Variants in PFKM observed in about 807,000 individuals in gnomAD.
PFKM encodes the protein phosphofructokinase, muscle, also known as ATP-dependent 6-phosphofructokinase, muscle type.
In PFKM, 58 loss-of-function variants were observed where a neutral mutation model predicts 95.5. That is an observed-to-expected ratio of 0.61 (90% CI 0.49 to 0.76). The LOEUF is 0.76. PFKM is among the 30% of genes least tolerant of loss of function. PFKM has a pLI of 0.00. For synonymous variants in PFKM, 336 were observed against 357.2 expected, an observed-to-expected ratio of 0.94 and a Z score of 0.67; for missense variants, 678 against 1,005.4, an observed-to-expected ratio of 0.67 and a Z score of 4.40.
chr12:48,116,670 G>C (rs1248079124), upstream of PFKM, among the ~76,000 whole-genome samples: 1 of 152,052 alleles, frequency 6.6e-6, no homozygotes, highest in Admixed American at 6.5e-5. Flanking sequence ...GTAGAGACGG[G>C]GTTTCACCAT....
chr12:48,120,261 A>G (rs1218049878), intron 1 of PFKM, among the ~76,000 whole-genome samples: 1 of 152,220 alleles, frequency 6.6e-6, no homozygotes, highest in Admixed American at 6.5e-5. Context: ...TCTCAAGTCC[A>G]AGTTAAAAGT....
intron 14 of PFKM, 38 bp from the exon 15 acceptor site, chr12:48,141,273 T>G (rs1214195629): frequency 6.3e-7 from 1 of 1,593,506 alleles, no homozygotes; most frequent in East Asian, 2.2e-5. Context: ...CTCCTAGTGC[T>G]TTAGCCTTGT....
intron 2 of PFKM, among the ~76,000 whole-genome samples, chr12:48,123,709 C>G (rs1948535537): frequency 6.6e-6 from 1 of 152,250 alleles, no homozygotes; most frequent in South Asian, 2.1e-4. Flanking sequence ...AGACTTTGCG[C>G]TAAGGACCCA....
At chr12:48,117,181 T>C (rs1000305851), upstream of PFKM, among the ~76,000 whole-genome samples, 2 of 152,240 alleles carry the variant, frequency 1.3e-5, no homozygotes, top group Admixed American at 6.5e-5. Flanking sequence ...TAATTTTTTA[T>C]TGATGGAAAA....
At position 48,120,942 on chromosome 12, in the gene PFKM, G is replaced by A. The variant is rs117921326; in HGVS notation, c.-9+1536G>A. 2.1e-3 allele frequency among the ~76,000 whole-genome samples: 314 copies of A among 152,306 alleles called. 7 individuals are homozygous for A. The highest frequency in any genetic ancestry group is 0.02 in the East Asian group (104 of 5,184). Reference sequence around the variant, plus strand: ...AAGGTGGGCGGATCACCTGAAGTCAGGAGTTCAAGACCAGCTTGACCGACA... The same window carrying A: ...AAGGTGGGCGGATCACCTGAAGTCAAGAGTTCAAGACCAGCTTGACCGACA... On this transcript the variant is annotated intron_variant, in intron 1 of 22. Coordinates refer to ENST00000359794, the MANE Select transcript of PFKM (RefSeq NM_000289.6).
At chr12:48,123,684 T>G (rs1400288027) in intron 2 of PFKM, among the ~76,000 whole-genome samples, 1 of 152,214 alleles carries the variant, frequency 6.6e-6, no homozygotes, top group Non-Finnish European at 1.5e-5. Context: ...TGCACCACTG[T>G]TCCTAGGCTT....
chr12:48,131,279 A>T (rs780337252), intron 3 of PFKM, 37 bp from the exon 4 acceptor site: 1 of 1,399,254 alleles, frequency 7.1e-7, no homozygotes, highest in South Asian at 1.2e-5. Flanking sequence ...TTTATAGAGA[A>T]GCCTAACGGG....
chr12:48,115,940 G>A (rs533604110), upstream of PFKM, among the ~76,000 whole-genome samples: 316 of 151,914 alleles, frequency 2.1e-3, 1 homozygote, highest in African/African-American at 7.4e-3. Context: ...TTCATTTTTC[G>A]TAGGTATATA....
rs1949732821 is a variant in PFKM at position 48,133,451 on chromosome 12, T to C, written c.564T>C (p.Ile188=). ...TDSALHRIME[I]VDAITTTAQS... is the part of the protein sequence containing the mutation. ...CTGCCCTGCATCGGATCATGGAAATTGTAGATGCCATCACTACCACTGCCC... is the reference window on the plus strand; with the variant it reads ...CTGCCCTGCATCGGATCATGGAAATCGTAGATGCCATCACTACCACTGCCC... The change falls in exon 6 of 23, where the codon ATT becomes ATC. Residue 188 remains isoleucine (I), a synonymous_variant. Coordinates refer to ENST00000359794, the MANE Select transcript of PFKM (RefSeq NM_000289.6). The C allele has an allele frequency of 2.5e-6, 4 of 1,614,122 alleles. No individual in the cohort carries two copies. The highest frequency in any genetic ancestry group is 3.4e-6 in the Non-Finnish European group (4 of 1,179,990).
chr12:48,139,272 G>C lies in PFKM; in HGVS notation c.1063-13G>C. On this transcript the variant is annotated splice_polypyrimidine_tract_variant and intron_variant, in intron 11 of 22. Coordinates refer to ENST00000359794, the MANE Select transcript of PFKM (RefSeq NM_000289.6). ...ACCCTGGAGTTGAAACTGTCGCTGT[G>C]CTCCCCCCTCAGACCAAAGATGTGA... 5 of 1,611,198 alleles carry C rather than the reference G, an allele frequency of 3.1e-6. No homozygotes were observed. Among genetic ancestry groups the C allele is most frequent in the Non-Finnish European group, 4.2e-6 (5 of 1,177,694 alleles).
At chr12:48,136,302 CT>C (rs948614944) in intron 10 of PFKM, among the ~76,000 whole-genome samples, 2 of 151,972 alleles carry the variant, frequency 1.3e-5, no homozygotes, top group Admixed American at 6.6e-5. Flanking sequence ...TTAGGATTGG[CT>C]TTTTTTTCCA....
In PFKM at chr12:48,108,070, A is replaced by G. The variant is rs1431442685; in HGVS notation, c.83-2A>G. 2 of 1,599,088 alleles carry G rather than the reference A, an allele frequency of 1.3e-6. No homozygotes were observed. Among genetic ancestry groups the G allele is most frequent in the African/African-American group, 2.7e-5 (2 of 74,900 alleles). On this transcript the variant is annotated splice_acceptor_variant, in intron 2 of 24. Transcript: ENST00000340802. LOFTEE classifies it high-confidence loss of function. The stretch of plus-strand genomic sequence containing the variant: ...GGGTGACCTAAAGCTATTGTTTCTC[A>G]GCTGGGGAAGCTTCTACTTCCAGCA...
In PFKM at chr12:48,137,830, T is replaced by G; in HGVS notation, c.1046T>G (p.Met349Arg). The part of the protein sequence containing the change: ...SGNQAVRLPL[M>R]ECVQVTKDVT... Reference sequence around the variant, plus strand: ...AACCAGGCTGTGCGCCTGCCCCTCATGGAATGTGTCCAGGTGGTAAGTACT... The same window carrying G: ...AACCAGGCTGTGCGCCTGCCCCTCAGGGAATGTGTCCAGGTGGTAAGTACT... Residue 349 changes from methionine to arginine, a missense_variant, in exon 11 of 23, where the codon ATG (methionine) becomes AGG (arginine). Met to Arg is a moderately conservative substitution (Grantham distance 91, BLOSUM62 -1). Coordinates refer to ENST00000359794, the MANE Select transcript of PFKM (RefSeq NM_000289.6). The G allele has an allele frequency of 6.2e-7, 1 of 1,614,228 alleles. No individual in the cohort carries two copies. Among genetic ancestry groups the G allele is most frequent in the Non-Finnish European group, 8.5e-7 (1 of 1,180,016 alleles).
intron 3 of PFKM, among the ~76,000 whole-genome samples, chr12:48,112,208 G>A (rs894320102): frequency 3.3e-5 from 5 of 149,526 alleles, no homozygotes; most frequent in South Asian, 2.1e-4. Flanking sequence ...AGAAAGGAGC[G>A]GCGAAAGGAT....
intron 3 of PFKM, among the ~76,000 whole-genome samples, chr12:48,112,588 T>C (rs1346376229): frequency 6.6e-6 from 1 of 152,090 alleles, no homozygotes; most frequent in Non-Finnish European, 1.5e-5. Flanking sequence ...TGCAAAGGAA[T>C]AGTAAAGAAA....
At position 48,133,339 on chromosome 12, in the gene PFKM, C is replaced by T. The variant is rs374572664; in HGVS notation, c.452C>T (p.Thr151Met). ...GGTAAGATCACAGATGAGGAGGCTA[C>T]GAAGTCCAGCTACCTGAACATTGTG... ...KAGKITDEEATKSSYLNIVGL... is the reference protein window; with the variant it reads ...KAGKITDEEAMKSSYLNIVGL... The change falls in exon 6 of 23, where the codon ACG becomes ATG. Residue 151 changes from threonine to methionine, a missense_variant. Thr to Met is a moderately conservative substitution (Grantham distance 81). Coordinates refer to ENST00000359794, the MANE Select transcript of PFKM (RefSeq NM_000289.6). The T allele has an allele frequency of 5.8e-5, 94 of 1,613,948 alleles. No homozygotes were observed. The highest frequency in any genetic ancestry group is 8.9e-5 in the East Asian group (4 of 44,892).
intron 11 of PFKM, 136 bp from the exon 12 acceptor site, chr12:48,139,149 T>G: frequency 1.4e-6 from 1 of 725,920 alleles, no homozygotes; most frequent in Non-Finnish European, 2.5e-6. Flanking sequence ...TTTGGGGGCA[T>G]AGGAAAGGTG....
intron 14 of PFKM, 108 bp downstream of exon 14, chr12:48,140,979 C>T: frequency 8.4e-7 from 1 of 1,190,144 alleles, no homozygotes; most frequent in Non-Finnish European, 1.2e-6. Context: ...CCTCTCTCTC[C>T]TCTCTCAGGG....
rs368599371 is a variant in PFKM at position 48,130,341 on chromosome 12, C to G, written c.86-22C>G. The stretch of plus-strand genomic sequence containing the variant: ...TTTCTTAGGAGCAACCTCTCCGTGA[C>G]TTCTTTTGTCCCTCCTTTCAGGTAT... On this transcript the variant is annotated intron_variant, in intron 2 of 22. Transcript: ENST00000359794. The G allele has an allele frequency of 2.5e-6, 4 of 1,600,802 alleles. No individual in the cohort carries two copies. In the African/African-American group the frequency reaches 5.4e-5, roughly 21 times the overall value.
Sources: gnomAD v4.1 joint callset for allele counts (sites outside exome capture counted in the v4.1 genomes callset) on GRCh38, gnomAD v4.1.1 for gene constraint, MANE v1.5 for transcripts, NCBI Gene and HGNC (gene_info 2026-07-23, HGNC 2026-07-21) for gene names.